SUMF1: variants seen among roughly 807,000 people sequenced by gnomAD.
The protein encoded by SUMF1 is formylglycine-generating enzyme.
Under a neutral mutation model 47.6 loss-of-function variants are expected in SUMF1, and 48 were observed. The observed-to-expected ratio is 1.01, with a 90% CI of 0.80 to 1.28. SUMF1 has a LOEUF of 1.28. SUMF1 is among the 50% of genes most tolerant of loss of function. The pLI, the probability that SUMF1 is intolerant of heterozygous loss-of-function variation, is 0.00. For synonymous variants in SUMF1, 230 were observed against 192.1 expected (o/e 1.20, Z -1.63); for missense variants, 571 against 485.4 (o/e 1.18, Z -1.66).
chr3:4,184,493 A>G (rs1402353735), intron 8 of SUMF1, among the ~76,000 whole-genome samples: 2 of 151,978 alleles, frequency 1.3e-5, no homozygotes, highest in African/African-American at 2.4e-5. Context: ...AAAAAAATGC[A>G]AAAGAGTCGA....
chr3:4,238,644 G>GT (rs1696465095), intron 8 of SUMF1, among the ~76,000 whole-genome samples: 1 of 151,970 alleles, frequency 6.6e-6, no homozygotes, highest in Non-Finnish European at 1.5e-5. Context: ...TCATAAATTT[G>GT]TTTAAGTCAT....
intron 8 of SUMF1, among the ~76,000 whole-genome samples, chr3:4,191,833 A>G (rs557450278): frequency 4.6e-5 from 7 of 152,268 alleles, no homozygotes; most frequent in South Asian, 2.1e-4. Flanking sequence ...TGAAATGTCT[A>G]TTCAACAAGG....
chr3:4,383,684 A>G (rs1220587530), intron 7 of SUMF1, among the ~76,000 whole-genome samples: 2 of 152,216 alleles, frequency 1.3e-5, no homozygotes, highest in Admixed American at 1.3e-4. Flanking sequence ...GAGTCTCCTA[A>G]GCTCAGGATT....
At position 4,049,909 on chromosome 3, in the gene SUMF1, A is replaced by AG. The variant is rs564753382; in HGVS notation, c.1191+18659dup. Among the ~76,000 whole-genome samples, 45 of 152,182 alleles carry AG rather than the reference A, an allele frequency of 3.0e-4. 1 individual carries two copies. The East Asian group carries it at 6.4e-3, about 22-fold the overall frequency. On this transcript the variant is annotated intron_variant and NMD_transcript_variant, in intron 9 of 12. Transcript: ENST00000448413. ...TCAATGAGACGAATGGGGAGCTGGA[A>AG]GGGGGATGGAGTGGGAAGATGTTCT...
intron 1 of SUMF1, among the ~76,000 whole-genome samples, chr3:4,457,370 T>C (rs1489859308): frequency 6.6e-6 from 1 of 152,010 alleles, no homozygotes; most frequent in Non-Finnish European, 1.5e-5. Context: ...AATTCTAATG[T>C]CATTTTTCAA....
At chr3:4,179,316 T>A (rs896414122) in intron 8 of SUMF1, among the ~76,000 whole-genome samples, 5 of 152,106 alleles carry the variant, frequency 3.3e-5, no homozygotes, top group Non-Finnish European at 7.4e-5. Flanking sequence ...CAAAACAGCA[T>A]GCTACTGGTA....
chr3:4,061,380 A>G (rs1695274276), intron 9 of SUMF1, among the ~76,000 whole-genome samples: 1 of 151,986 alleles, frequency 6.6e-6, no homozygotes, highest in African/African-American at 2.4e-5. Context: ...CAGATCTCTC[A>G]CCCATCATGA....
chr3:4,037,483 G>T (rs1314542474), intron 9 of SUMF1, among the ~76,000 whole-genome samples: 1 of 152,158 alleles, frequency 6.6e-6, no homozygotes, highest in African/African-American at 2.4e-5. Context: ...AATGGTAGAG[G>T]GAGGAATAGT....
chr3:4,130,806 G>A (rs981468758), intron 8 of SUMF1, among the ~76,000 whole-genome samples: 3 of 152,130 alleles, frequency 2.0e-5, no homozygotes, highest in Non-Finnish European at 2.9e-5. Context: ...CATTTATCGA[G>A]TGATCCAAAG....
intron 3 of SUMF1, among the ~76,000 whole-genome samples, chr3:4,448,460 G>A (rs549012984): frequency 1.3e-5 from 2 of 152,186 alleles, no homozygotes; most frequent in Admixed American, 6.5e-5. Context: ...GCAGACCCCC[G>A]TTTCCTTCCC....
At chr3:4,121,620 T>A (rs1420003731) in intron 8 of SUMF1, among the ~76,000 whole-genome samples, 5 of 152,188 alleles carry the variant, frequency 3.3e-5, no homozygotes, top group African/African-American at 1.2e-4. Flanking sequence ...GTTACCATTA[T>A]GACCTAGCAA....
intron 8 of SUMF1, among the ~76,000 whole-genome samples, chr3:4,326,948 C>G (rs1698958334): frequency 6.6e-6 from 1 of 152,020 alleles, no homozygotes; most frequent in South Asian, 2.1e-4. Flanking sequence ...ATAGCCTATT[C>G]CAAAAGAAAA....
downstream of SUMF1, among the ~76,000 whole-genome samples, chr3:4,358,663 T>C (rs1158572153): frequency 6.6e-6 from 1 of 152,210 alleles, no homozygotes; most frequent in African/African-American, 2.4e-5. Flanking sequence ...CATCTAGTGA[T>C]TTATTTAGTG....
chr3:4,082,390 G>C (rs1372888260), intron 8 of SUMF1, among the ~76,000 whole-genome samples: 2 of 152,062 alleles, frequency 1.3e-5, no homozygotes, highest in African/African-American at 4.8e-5. Context: ...AATCGCTTGA[G>C]CCTGGGAGGT....
chr3:4,231,466 C>G (rs57931522), intron 8 of SUMF1, among the ~76,000 whole-genome samples: 1,706 of 152,272 alleles, frequency 0.011, 35 homozygotes, highest in African/African-American at 0.039. Context: ...ATTTCAATCT[C>G]TAACCTTGTC....
intron 8 of SUMF1, among the ~76,000 whole-genome samples, chr3:4,165,520 T>C (rs1039031291): frequency 6.6e-6 from 1 of 152,072 alleles, no homozygotes; most frequent in Non-Finnish European, 1.5e-5. Flanking sequence ...GGTCCTCCTG[T>C]GGGATGTAGA....
intron 8 of SUMF1, among the ~76,000 whole-genome samples, chr3:4,135,033 T>A (rs963128888): frequency 6.6e-6 from 1 of 152,154 alleles, no homozygotes; most frequent in Non-Finnish European, 1.5e-5. Context: ...AGCCGAATTC[T>A]ACCAGAGGTA....
rs551387347 is a variant in SUMF1, at chr3:4,247,582, G to T, written c.1014+128748C>A. On this transcript the variant is annotated intron_variant and NMD_transcript_variant, in intron 8 of 12. Coordinates refer to the SUMF1 transcript ENST00000448413. Reference sequence around the variant, plus strand: ...TAAGAAGCCCAGCTGGAGATTTGTAGTGCTAGCGGGGGAAGAAGACTGGCT... The same window carrying T: ...TAAGAAGCCCAGCTGGAGATTTGTATTGCTAGCGGGGGAAGAAGACTGGCT... Among the ~76,000 whole-genome samples, 14 of 152,230 alleles carry T rather than the reference G, an allele frequency of 9.2e-5. No individual in the cohort carries two copies. In the South Asian group the frequency reaches 2.9e-3, roughly 32 times the overall value.
At chr3:4,106,296 G>A (rs929211508) in intron 8 of SUMF1, among the ~76,000 whole-genome samples, 1 of 152,056 alleles carries the variant, frequency 6.6e-6, no homozygotes, top group African/African-American at 2.4e-5. Flanking sequence ...ATAAAATGAA[G>A]ATAAAGATAT....
Sources: allele counts gnomAD v4.1 joint callset (sites outside exome capture counted in the v4.1 genomes callset), GRCh38; gene constraint gnomAD v4.1.1; transcripts MANE v1.5; gene names NCBI Gene and HGNC (gene_info 2026-07-23, HGNC 2026-07-21).